The following UBE2U variants were observed in gnomAD, a reference collection of about 807,000 sequenced individuals.
UBE2U encodes the protein ubiquitin-conjugating enzyme E2 U.
UBE2U carries 39 observed loss-of-function variants against 41.2 expected under a neutral mutation model. The ratio of observed to expected loss-of-function variants is 0.95; its 90% CI spans 0.73 to 1.24. The LOEUF is 1.24. Among genes scored for constraint, UBE2U ranks in the 50% most tolerant of loss-of-function variants. The probability of loss-of-function intolerance (pLI) is 0.00; values close to 1 mark genes in which losing one functional copy is unlikely to be tolerated. For missense variants in UBE2U, 336 were observed against 363.1 expected, an observed-to-expected ratio of 0.93 and a Z score of 0.61; for synonymous variants, 107 against 117.8, an observed-to-expected ratio of 0.91 and a Z score of 0.60.
intron 6 of UBE2U, among the ~76,000 whole-genome samples, chr1:64,226,738 TA>T (rs11311272): frequency 0.72 from 106,784 of 148,158 alleles, 40,102 homozygotes; most frequent in Middle Eastern, 0.86. Flanking sequence ...AAATAAAACT[TA>T]AAAAAAAAAA....
At chr1:64,214,625 C>T (rs1299871378) in intron 4 of UBE2U, among the ~76,000 whole-genome samples, 190 bp from the exon 5 acceptor site, 1 of 152,168 alleles carries the variant, frequency 6.6e-6, no homozygotes, top group East Asian at 1.9e-4. Context: ...TTATACCGTA[C>T]ATTCATGAGC....
chr1:64,233,471 T>C (rs959054683), intron 7 of UBE2U, among the ~76,000 whole-genome samples: 3 of 152,194 alleles, frequency 2.0e-5, no homozygotes, highest in African/African-American at 7.2e-5. Flanking sequence ...AGAAAGATAG[T>C]CAATTGGAGG....
intron 9 of UBE2U, among the ~76,000 whole-genome samples, chr1:64,264,012 T>C (rs1180032191): frequency 6.6e-6 from 1 of 152,176 alleles, no homozygotes; most frequent in East Asian, 1.9e-4. Flanking sequence ...ATTCTCCAGC[T>C]GTAGCTTCCA....
At chr1:64,228,576 T>C (rs1362680723) in intron 6 of UBE2U, among the ~76,000 whole-genome samples, 1 of 151,976 alleles carries the variant, frequency 6.6e-6, no homozygotes, top group Non-Finnish European at 1.5e-5. Context: ...AGGATGGAAA[T>C]GGCCAGATGG....
At chr1:64,239,122 A>AGAGGAAGAGGAAGAG in intron 7 of UBE2U, among the ~76,000 whole-genome samples, 1 of 24,372 alleles carries the variant, frequency 4.1e-5, no homozygotes, top group Non-Finnish European at 6.4e-5. Flanking sequence ...AAGAAGAAGA[A>AGAGGAAGAGGAAGAG]GAAGAAGAAG....
chr1:64,248,905 A>T (rs1644963302), intron 8 of UBE2U, among the ~76,000 whole-genome samples: 1 of 152,170 alleles, frequency 6.6e-6, no homozygotes, highest in Non-Finnish European at 1.5e-5. Context: ...TTTAACAGAC[A>T]TTGACTAAAA....
At chr1:64,243,471 ATGTT>A (rs1475066540) in intron 8 of UBE2U, among the ~76,000 whole-genome samples, 1 of 152,180 alleles carries the variant, frequency 6.6e-6, no homozygotes, top group African/African-American at 2.4e-5. Flanking sequence ...CAAGTAGAAA[ATGTT>A]TGGGGATCTA....
chr1:64,250,506 C>T (rs888167640), intron 8 of UBE2U, among the ~76,000 whole-genome samples: 20 of 152,170 alleles, frequency 1.3e-4, no homozygotes, highest in African/African-American at 3.1e-4. Context: ...AGACAGTATA[C>T]GAAAACTACA....
At chr1:64,259,577 G>C (rs1053885213) in intron 8 of UBE2U, among the ~76,000 whole-genome samples, 14 of 152,038 alleles carry the variant, frequency 9.2e-5, no homozygotes, top group African/African-American at 3.4e-4. Flanking sequence ...TATTAAATAG[G>C]GAATCCTTTC....
At position 64,215,062 on chromosome 1, in the gene UBE2U, G is replaced by A. The variant is rs368038873; in HGVS notation, c.457+130G>A. 4.3e-4 allele frequency: 262 copies of A among 614,632 alleles called. 7 individuals are homozygous for A. The South Asian group carries it at 4.5e-3, about 10-fold the overall frequency. The allele number at this position is 614,632 out of a possible 1,614,324, so 38.1% of individuals were successfully genotyped here. A position where few individuals can be genotyped will look rare whatever the true frequency, so the allele number is the denominator to read the frequency against. On this transcript the variant is annotated intron_variant, in intron 5 of 9. Transcript: ENST00000371077. Reference sequence around the variant, plus strand: ...AGCCTGACCAACATGGAGAAACCCTGTCTCTACTAAAATACAGAATTAGCT... The same window carrying A: ...AGCCTGACCAACATGGAGAAACCCTATCTCTACTAAAATACAGAATTAGCT...
At chr1:64,239,359 A>G (rs1014680328) in intron 7 of UBE2U, among the ~76,000 whole-genome samples, 23 of 151,964 alleles carry the variant, frequency 1.5e-4, no homozygotes, top group African/African-American at 4.8e-4. Flanking sequence ...TGCCTTAAAC[A>G]TAGTAGGGTT....
At chr1:64,228,686 CTTT>C (rs59774097) in intron 6 of UBE2U, among the ~76,000 whole-genome samples, 3,133 of 95,682 alleles carry the variant, frequency 0.033, 64 homozygotes, top group Non-Finnish European at 0.044. Context: ...CTCTCTCTCT[CTTT>C]TTTTTTTTTT....
intron 3 of UBE2U, 64 bp from the exon 4 acceptor site, chr1:64,210,678 T>C: frequency 3.7e-6 from 4 of 1,080,776 alleles, no homozygotes; most frequent in Non-Finnish European, 5.1e-6. Flanking sequence ...ATCATTTTGA[T>C]GTTTGTAAGT....
At chr1:64,258,383 A>T (rs1483391344) in intron 8 of UBE2U, among the ~76,000 whole-genome samples, 3 of 152,238 alleles carry the variant, frequency 2.0e-5, no homozygotes, top group African/African-American at 7.2e-5. Context: ...CAGGTTTGTT[A>T]CATAGGTATA....
intron 2 of UBE2U, among the ~76,000 whole-genome samples, chr1:64,206,052 CTA>C (rs1651277771): frequency 6.6e-6 from 1 of 152,144 alleles, no homozygotes; most frequent in Non-Finnish European, 1.5e-5. Context: ...CAGGGAATAA[CTA>C]TCAAAATTCC....
intron 8 of UBE2U, among the ~76,000 whole-genome samples, chr1:64,258,327 CT>C (rs1042331467): frequency 4.4e-4 from 66 of 148,622 alleles, no homozygotes; most frequent in Non-Finnish European, 6.4e-4. Context: ...AAAAACGTTT[CT>C]TTTTTTTTTA....
Position 64,241,643 on chromosome 1 carries a change from T to G in UBE2U, c.596-9T>G. 6.3e-7 allele frequency: 1 copy of G among 1,589,282 alleles called. No homozygotes were observed. The highest frequency in any genetic ancestry group is 8.6e-7 in the Non-Finnish European group (1 of 1,166,026). On this transcript the variant is annotated splice_polypyrimidine_tract_variant and intron_variant, in intron 7 of 9. Transcript: ENST00000371077. ...TGTATAGCTTCTTTTTTTAATATTC[T>G]AATTTCAGTGCTCAAAGTTCCAAAT...
intron 3 of UBE2U, among the ~76,000 whole-genome samples, chr1:64,209,083 T>A (rs912686416): frequency 6.6e-6 from 1 of 152,206 alleles, no homozygotes; most frequent in South Asian, 2.1e-4. Context: ...TTAGATTTTT[T>A]ATGTTTTTTT....
chr1:64,228,061 G>A (rs1652998440), intron 6 of UBE2U, among the ~76,000 whole-genome samples: 1 of 152,074 alleles, frequency 6.6e-6, no homozygotes, highest in South Asian at 2.1e-4. Context: ...CTGGAAATTT[G>A]TAAGCAAGCT....
Sources: allele counts gnomAD v4.1 joint callset (sites outside exome capture counted in the v4.1 genomes callset), GRCh38; gene constraint gnomAD v4.1.1; transcripts MANE v1.5; gene names NCBI Gene and HGNC (gene_info 2026-07-23, HGNC 2026-07-21).